Variants in ZNF385D observed in about 807,000 individuals in gnomAD.
ZNF385D encodes zinc finger protein 659.
Under a neutral mutation model 35.8 loss-of-function variants are expected in ZNF385D, and 15 were observed. The observed-to-expected ratio is 0.42, with a 90% CI of 0.28 to 0.64. The LOEUF is 0.64. Among genes scored for constraint, ZNF385D ranks in the 30% least tolerant of loss-of-function variants. ZNF385D has a pLI of 0.23. For missense variants in ZNF385D, 474 were observed against 494.6 expected, an observed-to-expected ratio of 0.96 and a Z score of 0.39; for synonymous variants, 212 against 186.8, an observed-to-expected ratio of 1.13 and a Z score of -1.10.
chr3:21,982,742 T>C (rs1281825251), intron 3 of ZNF385D, among the ~76,000 whole-genome samples: 1 of 152,204 alleles, frequency 6.6e-6, no homozygotes, highest in Non-Finnish European at 1.5e-5. Flanking sequence ...GCTCTTATTA[T>C]TTTGAGGTAT....
At chr3:22,333,741 T>G (rs1695040656) in intron 2 of ZNF385D, among the ~76,000 whole-genome samples, 1 of 152,146 alleles carries the variant, frequency 6.6e-6, no homozygotes. Context: ...AGGAGACTAT[T>G]TTTGCACTCC....
At chr3:21,712,445 C>T (rs568511019) in intron 1 of ZNF385D, among the ~76,000 whole-genome samples, 118 of 152,326 alleles carry the variant, frequency 7.7e-4, no homozygotes, top group Admixed American at 4.9e-3. Context: ...ATGTCACTTC[C>T]ATCCCTACAT....
intron 4 of ZNF385D, among the ~76,000 whole-genome samples, chr3:21,504,047 C>A (rs976134022): frequency 6.6e-6 from 1 of 152,026 alleles, no homozygotes; most frequent in African/African-American, 2.4e-5. Context: ...TAATTAGTAG[C>A]TTTATCTGAT....
chr3:22,138,490 C>A (rs1416879547), intron 3 of ZNF385D, among the ~76,000 whole-genome samples: 1 of 151,858 alleles, frequency 6.6e-6, no homozygotes, highest in Non-Finnish European at 1.5e-5. Context: ...CGGAACAGAA[C>A]AGAGCCCTCA....
intron 2 of ZNF385D, among the ~76,000 whole-genome samples, chr3:22,323,841 C>T (rs1367572210): frequency 6.6e-6 from 1 of 152,014 alleles, no homozygotes; most frequent in Non-Finnish European, 1.5e-5. Flanking sequence ...ATTCATGAGG[C>T]CCAGAAAAGT....
chr3:22,042,481 C>T (rs1698726063), intron 3 of ZNF385D, among the ~76,000 whole-genome samples: 1 of 152,074 alleles, frequency 6.6e-6, no homozygotes, highest in Admixed American at 6.6e-5. Flanking sequence ...GTAGGTTGAG[C>T]ATCTTAAGGT....
intron 3 of ZNF385D, among the ~76,000 whole-genome samples, chr3:21,972,171 G>A (rs571700801): frequency 2.6e-5 from 4 of 152,068 alleles, no homozygotes; most frequent in Non-Finnish European, 5.9e-5. Flanking sequence ...CTCAGCATAT[G>A]AATCATTCTC....
intron 3 of ZNF385D, among the ~76,000 whole-genome samples, chr3:21,928,456 A>AATC (rs1700853909): frequency 6.6e-6 from 1 of 151,948 alleles, no homozygotes; most frequent in Admixed American, 6.6e-5. Flanking sequence ...AGAGCGAAGG[A>AATC]ATCACATTAT....
intron 3 of ZNF385D, among the ~76,000 whole-genome samples, chr3:21,973,588 GAAAT>G (rs1353589091): frequency 6.6e-6 from 1 of 151,838 alleles, no homozygotes; most frequent in Non-Finnish European, 1.5e-5. Flanking sequence ...AGAAGAGAAA[GAAAT>G]AAAGGCCATC....
chr3:21,542,345 CTTT>C (rs34925669), intron 3 of ZNF385D, among the ~76,000 whole-genome samples: 1 of 142,988 alleles, frequency 7.0e-6, no homozygotes, highest in Non-Finnish European at 1.5e-5. Context: ...TCTTCTCTTT[CTTT>C]TTTTTTTTTT....
intron 2 of ZNF385D, among the ~76,000 whole-genome samples, chr3:22,271,177 C>A (rs1485339674): frequency 6.6e-6 from 1 of 151,688 alleles, no homozygotes; most frequent in African/African-American, 2.4e-5. Flanking sequence ...AAAATTATAT[C>A]ATAATACATT....
Position 22,043,909 on chromosome 3 carries a change from A to G in ZNF385D, c.325+124908T>C, listed in dbSNP as rs551226088. ...GATCATGTAAGCAAAGAAGTGAGGG[A>G]GGCCTCCAACCAACAGCTAGCAAGG... is the stretch of plus-strand genomic sequence containing the variant. On this transcript the variant is annotated intron_variant, in intron 3 of 5. Coordinates refer to the ZNF385D transcript ENST00000494108. Among the ~76,000 whole-genome samples the G allele has an allele frequency of 1.7e-3, 262 of 152,234 alleles. 1 individual carries two copies. Among genetic ancestry groups the G allele is most frequent in the African/African-American group, 6.0e-3 (249 of 41,564 alleles).
intron 1 of ZNF385D, among the ~76,000 whole-genome samples, chr3:21,702,590 G>GT (rs1228490217): frequency 6.6e-6 from 1 of 152,186 alleles, no homozygotes; most frequent in Non-Finnish European, 1.5e-5. Flanking sequence ...CAAAAAATGG[G>GT]TTTTTCTTTT....
chr3:21,608,012 C>CTTCTTTTTTTTTTTTTTTTT (rs2064536095), intron 2 of ZNF385D, among the ~76,000 whole-genome samples: 9 of 123,954 alleles, frequency 7.3e-5, no homozygotes, highest in African/African-American at 2.8e-4. Flanking sequence ...TCTTTTTCTT[C>CTTCTTTTTTTTTTTTTTTTT]TTTTTTTTTT....
At chr3:21,582,660 A>T (rs2063700850) in intron 2 of ZNF385D, among the ~76,000 whole-genome samples, 1 of 152,236 alleles carries the variant, frequency 6.6e-6, no homozygotes, top group Admixed American at 6.5e-5. Flanking sequence ...TTAAAGATTA[A>T]GTCCACCTGA....
At chr3:21,459,806 C>T (rs534245565) in intron 4 of ZNF385D, among the ~76,000 whole-genome samples, 2 of 152,128 alleles carry the variant, frequency 1.3e-5, no homozygotes, top group Non-Finnish European at 2.9e-5. Flanking sequence ...TTCAAATTGC[C>T]ATCTAAGATA....
chr3:21,636,273 T>C (rs1474226980), intron 2 of ZNF385D, among the ~76,000 whole-genome samples: 2 of 149,018 alleles, frequency 1.3e-5, no homozygotes, highest in Non-Finnish European at 3.0e-5. Flanking sequence ...TAAGTTGTAT[T>C]AGGGTTCTCT....
intron 4 of ZNF385D, among the ~76,000 whole-genome samples, chr3:21,498,498 C>T (rs1417794260): frequency 2.0e-5 from 3 of 152,010 alleles, no homozygotes; most frequent in Admixed American, 6.6e-5. Flanking sequence ...CTATAAGGAA[C>T]TTAAATTTAC....
At chr3:21,880,692 A>G (rs1304120413) in intron 3 of ZNF385D, among the ~76,000 whole-genome samples, 1 of 152,062 alleles carries the variant, frequency 6.6e-6, no homozygotes, top group African/African-American at 2.4e-5. Context: ...AAAAGCTAGA[A>G]ATGATTAAGC....
Sources: gnomAD v4.1 joint callset for allele counts (sites outside exome capture counted in the v4.1 genomes callset) on GRCh38, gnomAD v4.1.1 for gene constraint, MANE v1.5 for transcripts, NCBI Gene and HGNC (gene_info 2026-07-23, HGNC 2026-07-21) for gene names.